The following SLC2A9 variants were observed in gnomAD, a reference collection of about 807,000 sequenced individuals.
SLC2A9 encodes solute carrier family 2 member 9.
SLC2A9 carries 39 observed loss-of-function variants against 50.6 expected under a neutral mutation model. The observed-to-expected ratio is 0.77, with a 90% CI of 0.60 to 1.01. The LOEUF is 1.01. Among genes scored for constraint, SLC2A9 ranks in the 50% least tolerant of loss-of-function variants. The pLI, the probability that SLC2A9 is intolerant of heterozygous loss-of-function variation, is 0.00. For missense variants in SLC2A9, 686 were observed against 677.6 expected, an observed-to-expected ratio of 1.01 and a Z score of -0.14; for synonymous variants, 324 against 276.9, an observed-to-expected ratio of 1.17 and a Z score of -1.69.
intron 8 of SLC2A9, among the ~76,000 whole-genome samples, chr4:9,902,629 G>C (rs191667491): frequency 6.6e-6 from 1 of 152,262 alleles, no homozygotes; most frequent in East Asian, 1.9e-4. Flanking sequence ...GTCTGTTGCA[G>C]GGCCCTCTCC....
At chr4:10,017,137 T>A (rs571089462) in intron 2 of SLC2A9, among the ~76,000 whole-genome samples, 1 of 152,236 alleles carries the variant, frequency 6.6e-6, no homozygotes, top group Non-Finnish European at 1.5e-5. Context: ...TCCCCAGAGT[T>A]GGATACATTA....
chr4:9,886,408 G>A (rs1279000429), intron 10 of SLC2A9, among the ~76,000 whole-genome samples: 1 of 149,006 alleles, frequency 6.7e-6, no homozygotes, highest in Non-Finnish European at 1.5e-5. Context: ...CAGCCGTTCT[G>A]ACCACCCTCA....
At chr4:9,796,743 C>T (rs952646210), downstream of SLC2A9, among the ~76,000 whole-genome samples, 5 of 152,132 alleles carry the variant, frequency 3.3e-5, no homozygotes, top group African/African-American at 1.2e-4. Context: ...GGTGAATTGG[C>T]TTCCTATTTG....
chr4:9,927,995 T>C (rs950092566), intron 6 of SLC2A9, among the ~76,000 whole-genome samples: 5 of 152,184 alleles, frequency 3.3e-5, no homozygotes, highest in African/African-American at 1.2e-4. Context: ...AAGCTGAGCA[T>C]AGTAGTACAT....
intron 5 of SLC2A9, among the ~76,000 whole-genome samples, chr4:9,955,683 G>T (rs1005531760): frequency 2.0e-5 from 3 of 151,664 alleles, no homozygotes; most frequent in Non-Finnish European, 4.4e-5. Flanking sequence ...TATGCCCCTC[G>T]TCAAATTTTT....
intron 2 of SLC2A9, among the ~76,000 whole-genome samples, chr4:10,018,561 T>TGATAGATAGATAGAC (rs1553915023): frequency 4.1e-5 from 2 of 48,506 alleles, no homozygotes; most frequent in East Asian, 0.011. Context: ...GATAGATAGA[T>TGATAGATAGATAGAC]AGATAGATAG....
chr4:9,849,393 A>T (rs189631549), intron 10 of SLC2A9, among the ~76,000 whole-genome samples: 1 of 152,342 alleles, frequency 6.6e-6, no homozygotes, highest in Non-Finnish European at 1.5e-5. Flanking sequence ...ACAACCATAC[A>T]TGGTGATTCT....
intron 10 of SLC2A9, among the ~76,000 whole-genome samples, chr4:9,876,840 G>C (rs12647883): frequency 0.028 from 4,311 of 152,262 alleles, 141 homozygotes; most frequent in Admixed American, 0.11. Flanking sequence ...CTCACCTTCT[G>C]TACGAATTCA....
chr4:9,833,991 A>G (rs533102850), intron 11 of SLC2A9, among the ~76,000 whole-genome samples: 1 of 152,208 alleles, frequency 6.6e-6, no homozygotes, highest in Non-Finnish European at 1.5e-5. Context: ...TAACCCTCTT[A>G]TCTGATCCTC....
At chr4:9,882,570 G>T (rs564352042) in intron 10 of SLC2A9, among the ~76,000 whole-genome samples, 1 of 152,070 alleles carries the variant, frequency 6.6e-6, no homozygotes, top group Admixed American at 6.6e-5. Flanking sequence ...TTAGCCAGGC[G>T]TGATGGTGGA....
chr4:9,809,619 C>T (rs1372223744), intron 3 of SLC2A9, among the ~76,000 whole-genome samples: 1 of 152,180 alleles, frequency 6.6e-6, no homozygotes, highest in Non-Finnish European at 1.5e-5. Context: ...CATACCTTCT[C>T]CCAGCCTCCC....
At chr4:9,783,430 A>T in intron 3 of SLC2A9, 2 of 1,613,048 alleles carry the variant, frequency 1.2e-6, no homozygotes, top group Non-Finnish European at 1.7e-6. Flanking sequence ...CTTTAGACAA[A>T]ATAACACCTT....
intron 10 of SLC2A9, among the ~76,000 whole-genome samples, chr4:9,877,667 T>C (rs1734519955): frequency 6.6e-6 from 1 of 152,190 alleles, no homozygotes; most frequent in East Asian, 1.9e-4. Flanking sequence ...GACTGAGCCC[T>C]TTCACTTGCA....
At chr4:10,021,586 AT>A, upstream of SLC2A9, 5 of 1,100,494 alleles carry the variant, frequency 4.5e-6, no homozygotes, top group Non-Finnish European at 6.6e-6. Flanking sequence ...ACGGGGCAAC[AT>A]TTTTTTCTCT....
chr4:9,858,949 G>A (rs1313584578), intron 10 of SLC2A9, among the ~76,000 whole-genome samples: 1 of 152,174 alleles, frequency 6.6e-6, no homozygotes, highest in Non-Finnish European at 1.5e-5. Flanking sequence ...TTTCTCCTGG[G>A]CTGGATGCTT....
intron 10 of SLC2A9, among the ~76,000 whole-genome samples, chr4:9,840,113 C>T (rs1482447626): frequency 6.6e-6 from 1 of 152,082 alleles, no homozygotes; most frequent in Non-Finnish European, 1.5e-5. Flanking sequence ...TTTTCAAGAG[C>T]ACATCACCAG....
At chr4:10,010,165 A>C (rs1761525195) in intron 2 of SLC2A9, among the ~76,000 whole-genome samples, 2 of 152,216 alleles carry the variant, frequency 1.3e-5, no homozygotes, top group Non-Finnish European at 2.9e-5. Context: ...CTTATGGCCA[A>C]TGATTTGATC....
chr4:9,826,303 T>A lies in SLC2A9; in HGVS notation c.*94A>T. Reference sequence around the variant, plus strand: ...GCTTCAATTCATTTAAGCTTCCCAATAATGGGTAAATTTTAAGTTTCCTGA... The same window carrying A: ...GCTTCAATTCATTTAAGCTTCCCAAAAATGGGTAAATTTTAAGTTTCCTGA... On this transcript the variant is annotated 3_prime_UTR_variant, in exon 12 of 12. Transcript: ENST00000264784. The A allele has an allele frequency of 7.8e-7, 1 of 1,289,156 alleles. No individual in the cohort carries two copies. The highest frequency in any genetic ancestry group is 1.5e-5 in the African/African-American group (1 of 68,512). The allele number at this position is 1,289,156 out of a possible 1,614,324, so 79.9% of individuals were successfully genotyped here. A position where few individuals can be genotyped will look rare whatever the true frequency, so the allele number is the denominator to read the frequency against.
chr4:10,033,791 C>T (rs1055337454), intron 1 of SLC2A9, among the ~76,000 whole-genome samples: 5 of 152,198 alleles, frequency 3.3e-5, no homozygotes, highest in African/African-American at 4.8e-5. Context: ...TCGCTGTGCT[C>T]GTGGGTTGTC....
Sources: allele counts gnomAD v4.1 joint callset (sites outside exome capture counted in the v4.1 genomes callset), GRCh38; gene constraint gnomAD v4.1.1; transcripts MANE v1.5; gene names NCBI Gene and HGNC (gene_info 2026-07-23, HGNC 2026-07-21).